Variants in PRR16 observed in about 807,000 individuals in gnomAD.
The protein encoded by PRR16 is proline rich 16, also known as protein Largen.
Under a neutral mutation model 18.2 loss-of-function variants are expected in PRR16, and 6 were observed. That is an observed-to-expected ratio of 0.33 (90% CI 0.18 to 0.65). The LOEUF is 0.65. PRR16 is among the 30% of genes least tolerant of loss of function. The pLI is 0.74. For missense variants in PRR16, 412 were observed against 376.6 expected (o/e 1.09, Z -0.78); for synonymous variants, 151 against 147.8 (o/e 1.02, Z -0.16).
Position 120,686,457 on chromosome 5 carries a change from T to C in PRR16, c.663T>C (p.Asp221=), listed in dbSNP as rs371876178. The change falls in exon 2 of 2, where the codon GAT becomes GAC. Residue 221 remains aspartate, a synonymous_variant. Coordinates refer to ENST00000407149, the MANE Select transcript of PRR16 (RefSeq NM_001300783.2). ...ACCATGGCTATTGTCCTGACTGTGA[T>C]ACCCGGTATAACATAAAAAACAGGG... is the stretch of plus-strand genomic sequence containing the variant. The part of the protein sequence containing the change: ...VQYHGYCPDC[D]TRYNIKNREV... 77 of 1,614,016 alleles carry C rather than the reference T, an allele frequency of 4.8e-5. No homozygotes were observed. The highest frequency in any genetic ancestry group is 6.2e-5 in the Non-Finnish European group (73 of 1,180,018).
intron 1 of PRR16, among the ~76,000 whole-genome samples, chr5:120,644,327 T>C (rs75657247): frequency 0.046 from 6,988 of 152,196 alleles, 434 homozygotes; most frequent in African/African-American, 0.13. Flanking sequence ...TCAATCCCGA[T>C]AGCAGGGCTG....
At chr5:120,539,695 T>A (rs1252726416) in intron 1 of PRR16, among the ~76,000 whole-genome samples, 2 of 152,138 alleles carry the variant, frequency 1.3e-5, no homozygotes, top group African/African-American at 2.4e-5. Context: ...AACAATGCTA[T>A]CTGTGTCAGT....
intron 1 of PRR16, among the ~76,000 whole-genome samples, chr5:120,521,705 G>A (rs931601697): frequency 6.6e-6 from 1 of 151,878 alleles, no homozygotes; most frequent in African/African-American, 2.4e-5. Context: ...AAGTTCTAGG[G>A]TATGTGTGCA....
intron 1 of PRR16, among the ~76,000 whole-genome samples, chr5:120,575,389 A>T (rs539625976): frequency 6.6e-6 from 1 of 150,890 alleles, no homozygotes; most frequent in East Asian, 2.0e-4. Flanking sequence ...ATGAACATAG[A>T]TGAAAAAAAT....
chr5:120,666,469 G>A (rs1236316056), intron 1 of PRR16, among the ~76,000 whole-genome samples: 14 of 151,084 alleles, frequency 9.3e-5, no homozygotes, highest in African/African-American at 3.4e-4. Flanking sequence ...CTGCCTAATT[G>A]CCCTGGCCAG....
At chr5:120,486,383 C>T (rs1580630986) in intron 1 of PRR16, among the ~76,000 whole-genome samples, 1 of 150,366 alleles carries the variant, frequency 6.7e-6, no homozygotes, top group East Asian at 2.0e-4. Flanking sequence ...TTTTGATTTG[C>T]ATTTCTCTGA....
intron 1 of PRR16, among the ~76,000 whole-genome samples, chr5:120,610,325 A>C (rs1390407739): frequency 6.7e-6 from 1 of 150,324 alleles, no homozygotes; most frequent in African/African-American, 2.4e-5. Flanking sequence ...ATTATACTTA[A>C]ATTAATATAA....
the PRR16 span, among the ~76,000 whole-genome samples, chr5:120,752,113 T>C: frequency 0.1 from 15,768 of 152,104 alleles, 1,041 homozygotes; most frequent in African/African-American, 0.18. Context: ...TACACAGTTA[T>C]ACATCATTTA....
At chr5:120,766,369 A>G in the PRR16 span, among the ~76,000 whole-genome samples, 2 of 151,938 alleles carry the variant, frequency 1.3e-5, no homozygotes, top group African/African-American at 2.4e-5. Context: ...CATTAAGAAA[A>G]CACATCTATT....
At chr5:120,745,405 T>A in the PRR16 span, among the ~76,000 whole-genome samples, 1 of 152,168 alleles carries the variant, frequency 6.6e-6, no homozygotes, top group Non-Finnish European at 1.5e-5. Flanking sequence ...TTAAGCAGCA[T>A]CCACTCTTTC....
chr5:120,787,967 T>A, the PRR16 span, among the ~76,000 whole-genome samples: 3 of 151,740 alleles, frequency 2.0e-5, no homozygotes, highest in East Asian at 5.8e-4. Flanking sequence ...GGTCTTACTC[T>A]CTCTCTTGCT....
the PRR16 span, among the ~76,000 whole-genome samples, chr5:120,782,530 A>G: frequency 6.6e-6 from 1 of 151,736 alleles, no homozygotes; most frequent in African/African-American, 2.4e-5. Flanking sequence ...CTGGCTACCT[A>G]TTTTCCCTCC....
intron 1 of PRR16, among the ~76,000 whole-genome samples, chr5:120,615,446 A>T (rs1754479035): frequency 7.1e-6 from 1 of 140,276 alleles, no homozygotes; most frequent in African/African-American, 2.7e-5. Context: ...ATACAGAGAT[A>T]TGTAATTTCC....
At chr5:120,597,717 G>C (rs2112785131) in intron 1 of PRR16, among the ~76,000 whole-genome samples, 1 of 151,754 alleles carries the variant, frequency 6.6e-6, no homozygotes, top group South Asian at 2.1e-4. Context: ...ATAGTGTCTG[G>C]ATATTTAGGA....
chr5:120,607,947 TA>T (rs1240226133), intron 1 of PRR16, among the ~76,000 whole-genome samples: 13 of 152,200 alleles, frequency 8.5e-5, no homozygotes, highest in African/African-American at 3.1e-4. Flanking sequence ...TCTACTCTTT[TA>T]TATCTTTGAA....
At chr5:120,591,135 C>G (rs1161343328) in intron 1 of PRR16, among the ~76,000 whole-genome samples, 1 of 151,568 alleles carries the variant, frequency 6.6e-6, no homozygotes, top group Non-Finnish European at 1.5e-5. Context: ...AAATATTAGC[C>G]GGGTGTGGTG....
At chr5:120,617,131 A>C (rs1489800704) in intron 1 of PRR16, 6 of 985,242 alleles carry the variant, frequency 6.1e-6, no homozygotes, top group Non-Finnish European at 7.2e-6. Flanking sequence ...CCACATGATG[A>C]AACAGGGAAA....
chr5:120,748,663 G>A, the PRR16 span, among the ~76,000 whole-genome samples: 5 of 152,218 alleles, frequency 3.3e-5, no homozygotes, highest in African/African-American at 1.2e-4. Context: ...TGACATTTGA[G>A]CTAAACTCAG....
chr5:120,774,144 A>G, the PRR16 span, among the ~76,000 whole-genome samples: 1 of 152,082 alleles, frequency 6.6e-6, no homozygotes, highest in Non-Finnish European at 1.5e-5. Context: ...TAAAGAGGAG[A>G]TTACTTTTTC....
Sources: gnomAD v4.1 joint callset for allele counts (sites outside exome capture counted in the v4.1 genomes callset) on GRCh38, gnomAD v4.1.1 for gene constraint, MANE v1.5 for transcripts, NCBI Gene and HGNC (gene_info 2026-07-23, HGNC 2026-07-21) for gene names.